The following JPT1 variants were observed in gnomAD, a reference collection of about 807,000 sequenced individuals.
The protein encoded by JPT1 is Jupiter microtubule associated homolog 1.
JPT1 carries 5 observed loss-of-function variants against 17.0 expected under a neutral mutation model. The observed-to-expected ratio is 0.29, with a 90% confidence interval of 0.15 to 0.62. JPT1 has a LOEUF of 0.62. JPT1 is among the 20% of genes least tolerant of loss of function. The pLI, the probability that JPT1 is intolerant of heterozygous loss-of-function variation, is 0.85. For missense variants in JPT1, 158 were observed against 188.1 expected (o/e 0.84, Z 0.94); for synonymous variants, 71 against 73.6 (o/e 0.96, Z 0.18).
intron 4 of JPT1, 34 bp downstream of exon 4, chr17:75,146,632 C>A: frequency 4.0e-6 from 6 of 1,506,406 alleles, no homozygotes; most frequent in Non-Finnish European, 5.4e-6. Context: ...AAACCATGGA[C>A]AGAGCCAGAA....
At chr17:75,148,475 G>A (rs920974394) in intron 2 of JPT1, 54 bp downstream of exon 2, 20 of 1,586,242 alleles carry the variant, frequency 1.3e-5, no homozygotes, top group Non-Finnish European at 1.5e-5. Flanking sequence ...TGCATCTGTG[G>A]CTGTTGATGC....
intron 4 of JPT1, among the ~76,000 whole-genome samples, chr17:75,144,130 C>T (rs1050263938): frequency 3.9e-5 from 6 of 152,052 alleles, no homozygotes; most frequent in African/African-American, 1.2e-4. Flanking sequence ...GGTGGCACAC[C>T]CCAACTCCAA....
intron 4 of JPT1, among the ~76,000 whole-genome samples, chr17:75,140,159 G>A (rs904240079): frequency 6.6e-6 from 1 of 151,736 alleles, no homozygotes; most frequent in Non-Finnish European, 1.5e-5. Context: ...CTCATGATCC[G>A]CACACCTCAG....
chr17:75,136,876 C>T (rs1046297374), intron 4 of JPT1, among the ~76,000 whole-genome samples: 27 of 152,190 alleles, frequency 1.8e-4, no homozygotes, highest in African/African-American at 6.3e-4. Flanking sequence ...TCCCCCTATT[C>T]CCAGAGGTCC....
chr17:75,142,798 C>T (rs963206354), intron 4 of JPT1: 15 of 455,942 alleles, frequency 3.3e-5, no homozygotes, highest in Middle Eastern at 3.3e-4. Context: ...ACAAATAGAA[C>T]ACAAACAGTA....
At chr17:75,154,160 C>T (rs2074597780) in intron 1 of JPT1, 182 bp downstream of exon 1, 2 of 300,162 alleles carry the variant, frequency 6.7e-6, no homozygotes, top group East Asian at 1.3e-4. Context: ...CGGGTGGGGC[C>T]GGCGCGCAGG....
intron 3 of JPT1, 178 bp from the exon 4 acceptor site, chr17:75,146,862 A>T (rs1326140491): frequency 1.8e-6 from 1 of 554,790 alleles, no homozygotes; most frequent in African/African-American, 1.9e-5. Flanking sequence ...GCTATGCAAA[A>T]ATTCTGCATG....
rs754318106 is a variant in JPT1 at position 75,135,866 on chromosome 17, G to A, written c.*236C>T. ...TCTTCTTAAAAACACAGTACTAAGT[G>A]TCACAAAGCTTTCCCTCCAATCTAC... is the stretch of plus-strand genomic sequence containing the variant. On this transcript the variant is annotated 3_prime_UTR_variant, in exon 5 of 5. Transcript: ENST00000409753. 2.7e-4 allele frequency: 209 copies of A among 788,186 alleles called. No individual in the cohort carries two copies. Among genetic ancestry groups the A allele is most frequent in the Non-Finnish European group, 3.7e-4 (186 of 500,596 alleles). 48.8% of individuals were successfully genotyped at this position (788,186 alleles called of 1,614,324 possible).
At chr17:75,139,004 CAG>C (rs1423780872) in intron 4 of JPT1, among the ~76,000 whole-genome samples, 1 of 152,086 alleles carries the variant, frequency 6.6e-6, no homozygotes. Context: ...AACTAAAACT[CAG>C]AGAGGGTCAC....
At chr17:75,144,280 T>C (rs758715986) in intron 4 of JPT1, among the ~76,000 whole-genome samples, 37 of 151,986 alleles carry the variant, frequency 2.4e-4, no homozygotes, top group African/African-American at 3.6e-4. Flanking sequence ...TCAATACTTT[T>C]GGAGGCTGAG....
At chr17:75,144,877 A>G (rs1311812762) in intron 4 of JPT1, among the ~76,000 whole-genome samples, 2 of 152,076 alleles carry the variant, frequency 1.3e-5, no homozygotes, top group African/African-American at 4.8e-5. Flanking sequence ...TGTGGTGTGA[A>G]AAAAAGAGGA....
Position 75,136,024 on chromosome 17 carries a change from T to C in JPT1, c.*78A>G, listed in dbSNP as rs1297265608. 1 of 1,611,242 alleles carries C rather than the reference T, an allele frequency of 6.2e-7. No individual in the cohort carries two copies. The highest frequency in any genetic ancestry group is 8.5e-7 in the Non-Finnish European group (1 of 1,179,274). On this transcript the variant is annotated 3_prime_UTR_variant, in exon 5 of 5. Transcript: ENST00000409753. ...TTTTTAATGAAACAAATCCAAGAGATGTACAGTCAGGCTCAAGTTGTGCAG... is the reference window on the plus strand; with the variant it reads ...TTTTTAATGAAACAAATCCAAGAGACGTACAGTCAGGCTCAAGTTGTGCAG...
chr17:75,148,744 T>C, intron 1 of JPT1, 73 bp from the exon 2 acceptor site: 1 of 1,552,660 alleles, frequency 6.4e-7, no homozygotes, highest in Non-Finnish European at 8.8e-7. Context: ...TTCAGACAAC[T>C]TTCATTTCAC....
chr17:75,149,023 A>T, intron 1 of JPT1: 1 of 1,272,118 alleles, frequency 7.9e-7, no homozygotes, highest in Middle Eastern at 3.3e-4. Context: ...ATATACTTTC[A>T]AAGAAGTTTA....
At chr17:75,140,678 C>T (rs949247477) in intron 4 of JPT1, among the ~76,000 whole-genome samples, 1 of 152,158 alleles carries the variant, frequency 6.6e-6, no homozygotes, top group African/African-American at 2.4e-5. Flanking sequence ...ATTACTGTAC[C>T]TCAGCCAGGC....
intron 4 of JPT1, among the ~76,000 whole-genome samples, chr17:75,136,995 TTC>T (rs1454734939): frequency 4.6e-5 from 7 of 152,218 alleles, no homozygotes; most frequent in African/African-American, 4.8e-5. Flanking sequence ...TGGTATCAAC[TTC>T]TTTTTTTCAC....
intron 3 of JPT1, among the ~76,000 whole-genome samples, chr17:75,147,053 CT>C (rs1205500334): frequency 6.6e-6 from 1 of 152,114 alleles, no homozygotes; most frequent in African/African-American, 2.4e-5. Flanking sequence ...GGAAGGACCC[CT>C]ATCAGTTCCA....
chr17:75,148,806 GA>G, intron 1 of JPT1, 135 bp from the exon 2 acceptor site: 3 of 1,069,146 alleles, frequency 2.8e-6, no homozygotes, highest in Non-Finnish European at 4.0e-6. Context: ...CTGCTAACAG[GA>G]AAAAAGAATC....
rs553862914 is a variant in JPT1, at chr17:75,142,789, C to T, written c.316+3877G>A. ...CTCCAGAAGTCTTTCCAGAACAGTACAAATAGAACACAAACAGTAATTAAT... is the reference window on the plus strand; with the variant it reads ...CTCCAGAAGTCTTTCCAGAACAGTATAAATAGAACACAAACAGTAATTAAT... On this transcript the variant is annotated intron_variant, in intron 4 of 4. Transcript: ENST00000409753. 9.5e-4 allele frequency: 433 copies of T among 456,150 alleles called. 3 individuals are homozygous for T. Among genetic ancestry groups the T allele is most frequent in the African/African-American group, 7.2e-3 (362 of 50,106 alleles). The allele number at this position is 456,150 out of a possible 1,614,324, so 28.3% of individuals were successfully genotyped here. A position where few individuals can be genotyped will look rare whatever the true frequency, so the allele number is the denominator to read the frequency against.
Sources: allele counts gnomAD v4.1 joint callset (sites outside exome capture counted in the v4.1 genomes callset), GRCh38; gene constraint gnomAD v4.1.1; transcripts MANE v1.5; gene names NCBI Gene and HGNC (gene_info 2026-07-23, HGNC 2026-07-21).